Variants in COL6A6 observed in about 807,000 individuals in gnomAD.
COL6A6 encodes the protein collagen alpha-6(VI) chain.
In COL6A6, 183 loss-of-function variants were observed where a neutral mutation model predicts 208.6. The ratio of observed to expected loss-of-function variants is 0.88; its 90% CI spans 0.78 to 0.99. The LOEUF (loss-of-function observed/expected upper bound fraction) is 0.99. Ranked by LOEUF, COL6A6 falls within the 50% of genes least tolerant of loss-of-function variation. The probability of loss-of-function intolerance (pLI) is 0.00; values close to 1 mark genes in which losing one functional copy is unlikely to be tolerated. For missense variants in COL6A6, 2,816 were observed against 2,815.2 expected, an observed-to-expected ratio of 1.00 and a Z score of -0.01; for synonymous variants, 973 against 1,011.8, an observed-to-expected ratio of 0.96 and a Z score of 0.73.
At chr3:130,611,317 A>G (rs2064352254) in intron 23 of COL6A6, among the ~76,000 whole-genome samples, 1 of 152,222 alleles carries the variant, frequency 6.6e-6, no homozygotes, top group Non-Finnish European at 1.5e-5. Flanking sequence ...GGTCAAGGGC[A>G]AGGCCTGAGA....
At chr3:130,549,413 T>G (rs992097598) in intron 1 of COL6A6, among the ~76,000 whole-genome samples, 2 of 152,178 alleles carry the variant, frequency 1.3e-5, no homozygotes, top group Admixed American at 6.5e-5. Context: ...ATTTGTCAAT[T>G]TTTGGTTTTG....
rs760641687 is a variant in COL6A6, at chr3:130,568,030, C to T, written c.1844-17C>T. 6.3e-7 allele frequency: 1 copy of T among 1,579,886 alleles called. No individual in the cohort carries two copies. The highest frequency in any genetic ancestry group is 2.2e-5 in the East Asian group (1 of 44,664). On this transcript the variant is annotated splice_polypyrimidine_tract_variant and intron_variant, in intron 5 of 36. Coordinates refer to ENST00000358511, the MANE Select transcript of COL6A6 (RefSeq NM_001102608.3). ...ATGTAGCTGACTTGAATAAACATCA[C>T]AGTTTTTCCTATGCAGCTTGCAAAG...
chr3:130,662,598 G>T (rs138753321), intron 35 of COL6A6, among the ~76,000 whole-genome samples: 3 of 152,208 alleles, frequency 2.0e-5, no homozygotes, highest in African/African-American at 7.2e-5. Flanking sequence ...TGCAGTCCGG[G>T]GGTGTGAAGT....
intron 22 of COL6A6, 95 bp downstream of exon 22, chr3:130,609,059 G>A (rs112809145): frequency 1.1e-6 from 1 of 883,470 alleles, no homozygotes. Flanking sequence ...AATCTCCCTT[G>A]CAGAATTCCA....
rs112885733 is a variant in COL6A6 at position 130,582,762 on chromosome 3, C to T, written c.3970+694C>T. On this transcript the variant is annotated intron_variant, in intron 10 of 36. Transcript: ENST00000358511. ...TCCTTTACTGGCAGATTCACCTATCCTCTAGCTGCTAACAACTCACAGCTT... is the reference window on the plus strand; with the variant it reads ...TCCTTTACTGGCAGATTCACCTATCTTCTAGCTGCTAACAACTCACAGCTT... Among the ~76,000 whole-genome samples, 478 of 152,260 alleles carry T rather than the reference C, an allele frequency of 3.1e-3. 1 individual carries two copies. Among genetic ancestry groups the T allele is most frequent in the Non-Finnish European group, 4.9e-3 (335 of 68,008 alleles).
rs1214630040 is a variant in COL6A6, at chr3:130,568,157, T to C, written c.1954T>C (p.Ser652Pro). The C allele has an allele frequency of 6.2e-7, 1 of 1,613,988 alleles. No individual in the cohort carries two copies. The highest frequency in any genetic ancestry group is 1.7e-5 in the Admixed American group (1 of 60,012). ...KTFMKNLVSK[S>P]QIGPDRVQIG... is the part of the protein sequence containing the mutation. ...ATTTATGAAAAACCTGGTGAGCAAG[T>C]CTCAGATTGGACCAGATCGGGTGCA... The change falls in exon 6 of 37, where the codon TCT becomes CCT. Residue 652 changes from serine (S) to proline (P), a missense_variant. Coordinates refer to ENST00000358511, the MANE Select transcript of COL6A6 (RefSeq NM_001102608.3).
chr3:130,593,532 T>A (rs564677460), intron 17 of COL6A6, among the ~76,000 whole-genome samples: 1 of 152,290 alleles, frequency 6.6e-6, no homozygotes, highest in South Asian at 2.1e-4. Context: ...AGCCATGACC[T>A]TTTTATGCCC....
intron 21 of COL6A6, among the ~76,000 whole-genome samples, chr3:130,607,308 C>A (rs923169588): frequency 2.0e-5 from 3 of 152,004 alleles, no homozygotes; most frequent in African/African-American, 2.4e-5. Flanking sequence ...TATAAAAAAC[C>A]CCATATAAGC....
At chr3:130,670,228 C>T (rs1308448149) in intron 36 of COL6A6, among the ~76,000 whole-genome samples, 1 of 152,188 alleles carries the variant, frequency 6.6e-6, no homozygotes, top group East Asian at 1.9e-4. Context: ...GGAAAAGGGA[C>T]ATAGACAAGA....
intron 36 of COL6A6, among the ~76,000 whole-genome samples, chr3:130,674,761 C>T (rs1176208279): frequency 6.6e-6 from 1 of 152,140 alleles, no homozygotes; most frequent in Non-Finnish European, 1.5e-5. Context: ...AAGTGAGGAA[C>T]AGATCATAAG....
At chr3:130,606,830 G>A (rs569527132) in intron 20 of COL6A6, 101 bp from the exon 21 acceptor site, 8 of 816,510 alleles carry the variant, frequency 9.8e-6, no homozygotes, top group South Asian at 3.9e-5. Context: ...TGTGGGAATT[G>A]TTATGTATGT....
intron 1 of COL6A6, among the ~76,000 whole-genome samples, chr3:130,550,419 G>A (rs1027956813): frequency 4.6e-5 from 7 of 152,130 alleles, no homozygotes; most frequent in Non-Finnish European, 1.0e-4. Context: ...TCCCCATTCA[G>A]TATGATGTTG....
intron 1 of COL6A6, among the ~76,000 whole-genome samples, chr3:130,534,663 C>T (rs2062182519): frequency 6.6e-6 from 1 of 151,878 alleles, no homozygotes; most frequent in Admixed American, 6.6e-5. Flanking sequence ...TCCTTGATGA[C>T]TTCCCTCTCA....
At chr3:130,582,840 G>A (rs55892741) in intron 10 of COL6A6, among the ~76,000 whole-genome samples, 1,689 of 152,232 alleles carry the variant, frequency 0.011, 35 homozygotes, top group African/African-American at 0.038. Flanking sequence ...CACCTGGAAG[G>A]TTGCTGTCCA....
chr3:130,618,192 G>A (rs1321761523), intron 23 of COL6A6, among the ~76,000 whole-genome samples: 2 of 152,152 alleles, frequency 1.3e-5, no homozygotes, highest in African/African-American at 4.8e-5. Context: ...AGAGCAGCAG[G>A]CATAGTGGCT....
At position 130,646,162 on chromosome 3, in the gene COL6A6, TAGAA is replaced by T. The variant is rs571152339; in HGVS notation, c.5239+1164_5239+1167del. On this transcript the variant is annotated intron_variant, in intron 32 of 36. Coordinates refer to ENST00000358511, the MANE Select transcript of COL6A6 (RefSeq NM_001102608.3). ...AGTATAATAATAATAAAATAAAAAA[TAGAA>T]AGAGATAAAGCATAGGATGCTGTGT... Among the ~76,000 whole-genome samples, 935 of 151,848 alleles carry T rather than the reference TAGAA, an allele frequency of 6.2e-3. 9 individuals carry two copies. Among genetic ancestry groups the T allele is most frequent in the African/African-American group, 0.021 (857 of 41,372 alleles).
At chr3:130,553,830 G>A (rs989721267) in intron 1 of COL6A6, among the ~76,000 whole-genome samples, 5 of 140,430 alleles carry the variant, frequency 3.6e-5, no homozygotes, top group African/African-American at 1.0e-4. Flanking sequence ...TGGGTGTTGC[G>A]GTGGGTTTTT....
intron 24 of COL6A6, among the ~76,000 whole-genome samples, chr3:130,622,580 G>A (rs761513032): frequency 5.3e-5 from 8 of 152,096 alleles, no homozygotes; most frequent in Non-Finnish European, 8.8e-5. Context: ...ACTTTGAGCC[G>A]GGCGTGGTGG....
At chr3:130,658,845 T>C in intron 34 of COL6A6, 73 bp downstream of exon 34, 2 of 1,075,082 alleles carry the variant, frequency 1.9e-6, no homozygotes, top group Non-Finnish European at 1.4e-6. Flanking sequence ...CAGGGGCAAC[T>C]GGAACTTGGC....
Sources: gnomAD v4.1 joint callset for allele counts (sites outside exome capture counted in the v4.1 genomes callset) on GRCh38, gnomAD v4.1.1 for gene constraint, MANE v1.5 for transcripts, NCBI Gene and HGNC (gene_info 2026-07-23, HGNC 2026-07-21) for gene names.